CLTRN: variants seen among roughly 807,000 people sequenced by gnomAD.
CLTRN encodes the protein collectrin.
In CLTRN, 12 loss-of-function variants were observed where a neutral mutation model predicts 14.5. The observed-to-expected ratio is 0.83, with a 90% CI of 0.53 to 1.34. The LOEUF (loss-of-function observed/expected upper bound fraction) is 1.34, where lower values mean the gene tolerates loss of function less well. Among genes scored for constraint, CLTRN ranks in the 40% most tolerant of loss-of-function variants. CLTRN has a pLI of 0.00. For synonymous variants in CLTRN, 58 were observed against 56.5 expected, an observed-to-expected ratio of 1.03 and a Z score of -0.12; for missense variants, 154 against 165.1, an observed-to-expected ratio of 0.93 and a Z score of 0.37.
intron 3 of CLTRN, chrX:15,646,799 C>G (rs1233070): frequency 0.01 from 3,460 of 332,186 alleles, 16 homozygotes; most frequent in Middle Eastern, 0.041. Context: ...CCGCCACCCC[C>G]CCACCAGCCT....
chrX:15,675,353 G>C (rs983054209), upstream of CLTRN, among the ~76,000 whole-genome samples: 4 of 111,263 alleles, frequency 3.6e-5, no homozygotes, highest in East Asian at 2.8e-4. Flanking sequence ...AGTAGTGACC[G>C]GCAAGGGAGG....
intron 1 of CLTRN, 80 bp from the exon 2 acceptor site, chrX:15,664,475 A>G: frequency 1.2e-6 from 1 of 840,294 alleles, no homozygotes; most frequent in South Asian, 2.3e-5. Context: ...CCTAATATGT[A>G]ATGCAACTCA....
chrX:15,673,059 A>G (rs1410051265), intron 1 of CLTRN, among the ~76,000 whole-genome samples: 1 of 112,491 alleles, frequency 8.9e-6, no homozygotes, highest in Non-Finnish European at 1.9e-5. Context: ...CATTGAGGGA[A>G]TGTGGGTGTA....
intron 4 of CLTRN, among the ~76,000 whole-genome samples, chrX:15,639,984 C>T (rs892498835): frequency 7.1e-5 from 8 of 111,946 alleles, no homozygotes; most frequent in African/African-American, 2.6e-4. Context: ...CACTGCTGCC[C>T]CCATTGTTGT....
intron 2 of CLTRN, among the ~76,000 whole-genome samples, chrX:15,662,759 T>C (rs143901146): frequency 5.7e-4 from 64 of 111,721 alleles, no homozygotes; most frequent in African/African-American, 2.0e-3. Flanking sequence ...TTGACCTCCA[T>C]ATTGTCCAAC....
chrX:15,640,215 G>A lies in CLTRN; in HGVS notation c.318-459C>T, dbSNP rs947966106. Reference sequence around the variant, plus strand: ...GTTTACCATTGCCATGGCAACACCTGGGAGTTACCACCCCTTTCCATAGCA... The same window carrying A: ...GTTTACCATTGCCATGGCAACACCTAGGAGTTACCACCCCTTTCCATAGCA... On this transcript the variant is annotated intron_variant, in intron 4 of 5. Transcript: ENST00000380342. Among the ~76,000 whole-genome samples the A allele has an allele frequency of 1.6e-4, 18 of 112,033 alleles. No homozygotes were observed. In the East Asian group the frequency reaches 4.7e-3, roughly 29 times the overall value.
chrX:15,627,747 C>T lies in CLTRN; in HGVS notation c.*224G>A, dbSNP rs1019127156. 3.7e-6 allele frequency: 1 copy of T among 268,915 alleles called. No individual in the cohort carries two copies. The highest frequency in any genetic ancestry group is 6.5e-6 in the Non-Finnish European group (1 of 153,144). The allele number at this position is 268,915 out of a possible 1,213,427, so 22.2% of individuals were successfully genotyped here. On this transcript the variant is annotated 3_prime_UTR_variant, in exon 6 of 6. Transcript: ENST00000380342. ...CACATGACCACATTTATACACTATA[C>T]TGTCAGAAAAATATTTTAGAATATT...
At position 15,628,137 on chromosome X, in the gene CLTRN, C is replaced by G. The variant is rs765386099; in HGVS notation, c.513-10G>C. The stretch of plus-strand genomic sequence containing the variant: ...TGGTTCTTTGTTCTTTCTAAAAGCA[C>G]ATAAAAAAGAGTGATTGGCATCTAG... On this transcript the variant is annotated splice_polypyrimidine_tract_variant and intron_variant, in intron 5 of 5. Coordinates refer to ENST00000380342, the MANE Select transcript of CLTRN (RefSeq NM_020665.6). 1 of 1,064,319 alleles carries G rather than the reference C, an allele frequency of 9.4e-7. No individual in the cohort carries two copies. Among genetic ancestry groups the G allele is most frequent in the Non-Finnish European group, 1.2e-6 (1 of 814,888 alleles). The allele number at this position is 1,064,319 out of a possible 1,213,427, so 87.7% of individuals were successfully genotyped here. A position where few individuals can be genotyped will look rare whatever the true frequency, so the allele number is the denominator to read the frequency against.
chrX:15,629,439 A>C (rs1023961808), intron 5 of CLTRN, among the ~76,000 whole-genome samples: 8 of 111,378 alleles, frequency 7.2e-5, no homozygotes, highest in Admixed American at 1.9e-4. Flanking sequence ...ATTTTTTTTA[A>C]ATCATCTTTC....
upstream of CLTRN, chrX:15,675,435 G>A (rs1601744829): frequency 8.8e-6 from 1 of 113,081 alleles, no homozygotes; most frequent in East Asian, 2.8e-4. Context: ...GGGGGGCGCG[G>A]TCCTTACGTG....
chrX:15,659,201 C>T (rs985221055), intron 2 of CLTRN, 100 bp from the exon 3 acceptor site: 16 of 354,693 alleles, frequency 4.5e-5, no homozygotes, highest in African/African-American at 4.1e-4. Context: ...TCCACACACA[C>T]ACACACACAC....
chrX:15,641,030 A>C (rs996439985), intron 4 of CLTRN, among the ~76,000 whole-genome samples: 2 of 112,305 alleles, frequency 1.8e-5, no homozygotes, highest in African/African-American at 6.5e-5. Context: ...TTTTAGACCA[A>C]AGTATGTGGT....
chrX:15,670,843 C>A (rs1405000189), intron 1 of CLTRN, among the ~76,000 whole-genome samples: 2 of 106,302 alleles, frequency 1.9e-5, no homozygotes, highest in East Asian at 5.9e-4. Flanking sequence ...ATGGAAATAA[C>A]CCACACAAGG....
intron 3 of CLTRN, among the ~76,000 whole-genome samples, chrX:15,657,388 G>C (rs908252436): frequency 1.8e-5 from 2 of 112,101 alleles, no homozygotes; most frequent in African/African-American, 6.5e-5. Flanking sequence ...TCTGAAGGAA[G>C]ATATTTTAAA....
At position 15,670,308 on chromosome X, in the gene CLTRN, AACACACACACACAC is replaced by A. The variant is rs753295306; in HGVS notation, c.-505-2386_-505-2373del. 2.0e-4 allele frequency among the ~76,000 whole-genome samples: 17 copies of A among 86,297 alleles called. No homozygotes were observed. The East Asian group carries it at 4.2e-3, about 21-fold the overall frequency. The allele number at this position is 86,297 out of a possible 115,157, so 74.9% of individuals were successfully genotyped here. On this transcript the variant is annotated intron_variant, in intron 1 of 6. Transcript: ENST00000650271. The stretch of plus-strand genomic sequence containing the variant: ...TAAAAAAAACAAAAACCAAAAACAA[AACACACACACACAC>A]ACACACACACACACACACACACACA...
At chrX:15,655,379 C>T (rs1419959971) in intron 3 of CLTRN, among the ~76,000 whole-genome samples, 2 of 112,079 alleles carry the variant, frequency 1.8e-5, no homozygotes, top group African/African-American at 6.5e-5. Flanking sequence ...TCAAGGGCCC[C>T]TCCAGGGACC....
rs1041278396 is a variant in CLTRN at position 15,644,544 on chromosome X, T to A, written c.317+372A>T. Reference sequence around the variant, plus strand: ...TGAGAGTCATGATTTTACCTTTTTTTAAAAAAAATTATCTTTTTAAAGTAA... The same window carrying A: ...TGAGAGTCATGATTTTACCTTTTTTAAAAAAAAATTATCTTTTTAAAGTAA... On this transcript the variant is annotated intron_variant, in intron 4 of 5. Coordinates refer to ENST00000380342, the MANE Select transcript of CLTRN (RefSeq NM_020665.6). Among the ~76,000 whole-genome samples, 15 of 111,451 alleles carry A rather than the reference T, an allele frequency of 1.3e-4. No homozygotes were observed. The East Asian group carries it at 1.7e-3, about 12-fold the overall frequency.
At chrX:15,661,185 G>A (rs1427992486) in intron 2 of CLTRN, among the ~76,000 whole-genome samples, 1 of 112,219 alleles carries the variant, frequency 8.9e-6, no homozygotes, top group Non-Finnish European at 1.9e-5. Flanking sequence ...GCAGACACAA[G>A]GAATAAGCCT....
intron 3 of CLTRN, among the ~76,000 whole-genome samples, chrX:15,655,329 C>T (rs1271942764): frequency 8.9e-6 from 1 of 112,288 alleles, no homozygotes; most frequent in Non-Finnish European, 1.9e-5. Flanking sequence ...TGGTAGTGGA[C>T]GTCCAGATGC....
Sources: gnomAD v4.1 joint callset for allele counts (sites outside exome capture counted in the v4.1 genomes callset) on GRCh38, gnomAD v4.1.1 for gene constraint, MANE v1.5 for transcripts, NCBI Gene and HGNC (gene_info 2026-07-23, HGNC 2026-07-21) for gene names.